Variants in KLF15 observed in about 807,000 individuals in gnomAD.
KLF15 encodes the protein KLF transcription factor 15, also known as Krueppel-like factor 15.
A neutral mutation model predicts 24.6 loss-of-function variants in KLF15; 4 were observed. The observed-to-expected ratio is 0.16, with a 90% confidence interval of 0.08 to 0.37. The LOEUF (loss-of-function observed/expected upper bound fraction) is 0.37. Ranked by LOEUF, KLF15 falls within the 10% of genes least tolerant of loss-of-function variation. KLF15 has a pLI of 1.00. For missense variants in KLF15, 496 were observed against 560.6 expected, an observed-to-expected ratio of 0.88 and a Z score of 1.16; for synonymous variants, 246 against 236.3, an observed-to-expected ratio of 1.04 and a Z score of -0.37.
At chr3:126,331,094 A>C in the KLF15 span, among the ~76,000 whole-genome samples, 1 of 152,164 alleles carries the variant, frequency 6.6e-6, no homozygotes, top group Non-Finnish European at 1.5e-5. Flanking sequence ...TGGGGAAGGA[A>C]AACATCAGGC....
the KLF15 span, among the ~76,000 whole-genome samples, chr3:126,301,609 TC>T: frequency 7.1e-6 from 1 of 140,754 alleles, no homozygotes; most frequent in Non-Finnish European, 1.5e-5. Context: ...TTTTTCTTTT[TC>T]TTTTTTTTTT....
chr3:126,310,657 C>A, the KLF15 span, among the ~76,000 whole-genome samples: 3 of 152,118 alleles, frequency 2.0e-5, no homozygotes, highest in African/African-American at 4.8e-5. Context: ...GTAGATGCCA[C>A]CTTCTCCCTG....
chr3:126,314,579 G>T, the KLF15 span, among the ~76,000 whole-genome samples: 1 of 152,108 alleles, frequency 6.6e-6, no homozygotes, highest in African/African-American at 2.4e-5. Flanking sequence ...CTGTGCCCCA[G>T]GCTCTTGCTA....
chr3:126,293,083 G>A, the KLF15 span, among the ~76,000 whole-genome samples: 105 of 150,078 alleles, frequency 7.0e-4, no homozygotes, highest in African/African-American at 2.4e-3. Flanking sequence ...GCTGAGGTGA[G>A]AGGATCGCTT....
the KLF15 span, among the ~76,000 whole-genome samples, chr3:126,305,435 G>T: frequency 6.6e-6 from 1 of 152,216 alleles, no homozygotes; most frequent in East Asian, 1.9e-4. Context: ...ACAACTCAGG[G>T]TTTCAAATGG....
intron 1 of KLF15, among the ~76,000 whole-genome samples, chr3:126,355,119 G>C (rs2082619407): frequency 6.6e-6 from 1 of 152,026 alleles, no homozygotes. Flanking sequence ...GCAGGCCTTA[G>C]AGCCCTCCCC....
At chr3:126,309,297 G>A in the KLF15 span, among the ~76,000 whole-genome samples, 17 of 152,228 alleles carry the variant, frequency 1.1e-4, no homozygotes, top group African/African-American at 3.9e-4. Flanking sequence ...TCTGGCCGGC[G>A]AAGCCACTTC....
chr3:126,327,204 G>C, the KLF15 span, among the ~76,000 whole-genome samples: 1,229 of 152,240 alleles, frequency 8.1e-3, 17 homozygotes, highest in African/African-American at 0.028. Context: ...TTGTGCCCTT[G>C]ACACTTCTGG....
chr3:126,331,845 GA>G, the KLF15 span, among the ~76,000 whole-genome samples: 4 of 152,338 alleles, frequency 2.6e-5, no homozygotes, highest in Admixed American at 2.0e-4. Flanking sequence ...CCGAGTCAAA[GA>G]AAGGGGTGAC....
the KLF15 span, among the ~76,000 whole-genome samples, chr3:126,311,797 C>A: frequency 6.6e-6 from 1 of 152,230 alleles, no homozygotes; most frequent in Non-Finnish European, 1.5e-5. Context: ...GTTTGTCAAG[C>A]TTCCTTCCTG....
chr3:126,304,208 CAGTT>C, the KLF15 span, among the ~76,000 whole-genome samples: 51,692 of 151,928 alleles, frequency 0.34, 9,563 homozygotes, highest in Non-Finnish European at 0.42. Context: ...TTCTGGTACT[CAGTT>C]AAGTTATTGG....
At chr3:126,301,905 G>A in the KLF15 span, among the ~76,000 whole-genome samples, 4 of 151,604 alleles carry the variant, frequency 2.6e-5, no homozygotes, top group East Asian at 1.9e-4. Context: ...GTGAGCCACC[G>A]TGCCCAGACC....
chr3:126,331,899 A>G, the KLF15 span, among the ~76,000 whole-genome samples: 1 of 152,218 alleles, frequency 6.6e-6, no homozygotes, highest in Non-Finnish European at 1.5e-5. Flanking sequence ...ATTATATCCC[A>G]CACCTGGCTC....
the KLF15 span, among the ~76,000 whole-genome samples, chr3:126,320,584 C>T: frequency 1.3e-5 from 2 of 152,220 alleles, no homozygotes; most frequent in African/African-American, 4.8e-5. Flanking sequence ...ATTGCACATA[C>T]AGATGCACAC....
the KLF15 span, among the ~76,000 whole-genome samples, chr3:126,317,070 G>T: frequency 1.6e-4 from 24 of 152,158 alleles, no homozygotes; most frequent in South Asian, 3.3e-3. Flanking sequence ...CTCCTTCTCT[G>T]GGTAGCAGCA....
chr3:126,336,826 T>C, the KLF15 span, among the ~76,000 whole-genome samples: 1 of 38,390 alleles, frequency 2.6e-5, no homozygotes, highest in South Asian at 1.1e-3. Context: ...CATGAAAAAA[T>C]GCTCATCATC....
At chr3:126,322,887 G>T in the KLF15 span, among the ~76,000 whole-genome samples, 1 of 152,100 alleles carries the variant, frequency 6.6e-6, no homozygotes, top group Non-Finnish European at 1.5e-5. Context: ...ATGAATAAAT[G>T]ATATTCTCAG....
At chr3:126,311,117 C>G in the KLF15 span, among the ~76,000 whole-genome samples, 1 of 152,174 alleles carries the variant, frequency 6.6e-6, no homozygotes, top group African/African-American at 2.4e-5. Context: ...CCACTGGGCC[C>G]CTGCAGCTCA....
At chr3:126,332,388 C>G in the KLF15 span, among the ~76,000 whole-genome samples, 1 of 137,658 alleles carries the variant, frequency 7.3e-6, no homozygotes, top group East Asian at 2.2e-4. Context: ...AACTAACAAA[C>G]AGAAAGGACA....
Sources: gnomAD v4.1 joint callset for allele counts (sites outside exome capture counted in the v4.1 genomes callset) on GRCh38, gnomAD v4.1.1 for gene constraint, MANE v1.5 for transcripts, NCBI Gene and HGNC (gene_info 2026-07-23, HGNC 2026-07-21) for gene names.